The following ADARB1 variants were observed in gnomAD, a reference collection of about 807,000 sequenced individuals.
The protein encoded by ADARB1 is double-stranded RNA-specific editase 1.
Under a neutral mutation model 52.4 loss-of-function variants are expected in ADARB1, and 10 were observed. That is an observed-to-expected ratio of 0.19 (90% CI 0.12 to 0.32). The LOEUF is 0.32. Ranked by LOEUF, ADARB1 falls within the 10% of genes least tolerant of loss-of-function variation. The probability of loss-of-function intolerance (pLI) is 1.00; values close to 1 mark genes in which losing one functional copy is unlikely to be tolerated. For missense variants in ADARB1, 643 were observed against 922.3 expected (o/e 0.70, Z 3.92); for synonymous variants, 349 against 371.1 (o/e 0.94, Z 0.68).
At position 45,222,198 on chromosome 21, in the gene ADARB1, C is replaced by G; in HGVS notation, c.*1C>G. ...GGACCAGTTCTCACTCACGCCCTGA[C>G]CCGGGCAGACATGATGGGGGGTGCA... On this transcript the variant is annotated 3_prime_UTR_variant, in exon 11 of 11. Coordinates refer to ENST00000348831, the MANE Select transcript of ADARB1 (RefSeq NM_001112.4). 1 of 1,560,488 alleles carries G rather than the reference C, an allele frequency of 6.4e-7. No homozygotes were observed. Among genetic ancestry groups the G allele is most frequent in the Non-Finnish European group, 8.6e-7 (1 of 1,157,126 alleles).
In ADARB1 at chr21:45,183,520, G is replaced by A. The variant is rs542356039; in HGVS notation, c.1396+10G>A. On this transcript the variant is annotated intron_variant, in intron 7 of 10. Transcript: ENST00000348831. ...GAGCCAATCCTGGAAGGTATGAGAC[G>A]AGATTCTTCAACAAGCCAGTTTCTC... 7.5e-6 allele frequency: 12 copies of A among 1,610,722 alleles called. No individual in the cohort carries two copies. The highest frequency in any genetic ancestry group is 3.4e-5 in the Admixed American group (2 of 59,136).
chr21:45,169,775 C>G (rs1487786871), intron 2 of ADARB1, among the ~76,000 whole-genome samples: 1 of 152,238 alleles, frequency 6.6e-6, no homozygotes, highest in Admixed American at 6.5e-5. Flanking sequence ...TGAGAAGCGC[C>G]TTGCCATCAC....
Position 45,222,578 on chromosome 21 carries a change from T to G in ADARB1, c.*381T>G. On this transcript the variant is annotated 3_prime_UTR_variant, in exon 11 of 11. Coordinates refer to ENST00000348831, the MANE Select transcript of ADARB1 (RefSeq NM_001112.4). ...TGAAATTCTTGAATAAATAATTTAT[T>G]CAGAGCTAGGAATGTGGTTTATAAA... 2 of 1,024,802 alleles carry G rather than the reference T, an allele frequency of 2.0e-6. No homozygotes were observed. Among genetic ancestry groups the G allele is most frequent in the Non-Finnish European group, 2.3e-6 (2 of 855,944 alleles). The allele number at this position is 1,024,802 out of a possible 1,614,324, so 63.5% of individuals were successfully genotyped here. A position where few individuals can be genotyped will look rare whatever the true frequency, so the allele number is the denominator to read the frequency against.
intron 2 of ADARB1, among the ~76,000 whole-genome samples, chr21:45,171,138 T>C (rs984419142): frequency 5.3e-5 from 8 of 152,232 alleles, no homozygotes; most frequent in African/African-American, 7.2e-5. Context: ...CTGAGGTCTG[T>C]CGCCATCTGT....
At chr21:45,141,842 G>A (rs915584835) in intron 2 of ADARB1, among the ~76,000 whole-genome samples, 6 of 149,978 alleles carry the variant, frequency 4.0e-5, no homozygotes, top group Admixed American at 1.3e-4. Flanking sequence ...TCCCTGGGTC[G>A]CCTTAGCCAC....
In ADARB1 at chr21:45,223,577, G is replaced by C; in HGVS notation, c.*1380G>C. On this transcript the variant is annotated 3_prime_UTR_variant, in exon 11 of 11. Coordinates refer to ENST00000348831, the MANE Select transcript of ADARB1 (RefSeq NM_001112.4). ...GCTCCAAGGCTCTAGAGGGTGTTCA[G>C]GTGGGTCTCCTGGGGCCATGGGGAG... The C allele has an allele frequency of 1.0e-6, 1 of 985,734 alleles. No homozygotes were observed. Among genetic ancestry groups the C allele is most frequent in the South Asian group, 4.7e-5 (1 of 21,296 alleles). 61.1% of individuals were successfully genotyped at this position (985,734 alleles called of 1,614,324 possible).
intron 2 of ADARB1, among the ~76,000 whole-genome samples, chr21:45,168,237 G>A (rs1038588779): frequency 6.6e-6 from 1 of 151,596 alleles, no homozygotes; most frequent in African/African-American, 2.4e-5. Flanking sequence ...CTATTTGTTG[G>A]ATATATATTT....
chr21:45,099,788 C>T (rs1222768610), intron 1 of ADARB1, among the ~76,000 whole-genome samples: 1 of 152,174 alleles, frequency 6.6e-6, no homozygotes, highest in East Asian at 1.9e-4. Context: ...CTGAGGCTGG[C>T]TGGATCTGGA....
intron 5 of ADARB1, 113 bp downstream of exon 5, chr21:45,180,557 T>C: frequency 1.2e-6 from 1 of 868,324 alleles, no homozygotes; most frequent in Non-Finnish European, 1.9e-6. Flanking sequence ...GGTTACTTCT[T>C]TTCTTCTTCA....
chr21:45,097,375 A>G (rs1009643116), intron 1 of ADARB1, among the ~76,000 whole-genome samples: 1 of 152,006 alleles, frequency 6.6e-6, no homozygotes, highest in East Asian at 1.9e-4. Flanking sequence ...TAGTCAGGAG[A>G]TACCGAGGCC....
intron 2 of ADARB1, among the ~76,000 whole-genome samples, chr21:45,165,293 C>T (rs1311771683): frequency 1.3e-5 from 2 of 152,214 alleles, no homozygotes; most frequent in African/African-American, 2.4e-5. Context: ...GTCATTTGTC[C>T]TTGCTAGAAT....
chr21:45,110,701 C>T (rs1569017347), intron 1 of ADARB1, among the ~76,000 whole-genome samples: 1 of 152,078 alleles, frequency 6.6e-6, no homozygotes. Context: ...TAGTTGCTGT[C>T]AGGATTCATT....
intron 1 of ADARB1, among the ~76,000 whole-genome samples, chr21:45,116,289 G>A (rs925874457): frequency 3.3e-5 from 5 of 152,276 alleles, no homozygotes; most frequent in Admixed American, 6.5e-5. Context: ...GCCTGTGCTT[G>A]CTGCGCAGCA....
intron 2 of ADARB1, among the ~76,000 whole-genome samples, chr21:45,150,071 G>A (rs1474429092): frequency 1.3e-5 from 2 of 152,224 alleles, no homozygotes; most frequent in South Asian, 2.1e-4. Context: ...TTCACCTGAG[G>A]TCGGGAGTTC....
intron 2 of ADARB1, among the ~76,000 whole-genome samples, chr21:45,137,807 G>A (rs1408187791): frequency 1.3e-5 from 2 of 152,112 alleles, no homozygotes; most frequent in African/African-American, 2.4e-5. Context: ...ATGTAGGGTT[G>A]CAGCAAGTCT....
At chr21:45,075,488 G>A (rs147202150) in intron 1 of ADARB1, among the ~76,000 whole-genome samples, 6 of 152,236 alleles carry the variant, frequency 3.9e-5, no homozygotes, top group Admixed American at 3.9e-4. Flanking sequence ...GTGTCCGCGC[G>A]GGATGCTCTG....
Position 45,200,645 on chromosome 21 carries a change from C to T in ADARB1, c.1566-3910C>T, listed in dbSNP as rs1225337304. Among the ~76,000 whole-genome samples, 3 of 152,240 alleles carry T rather than the reference C, an allele frequency of 2.0e-5. No homozygotes were observed. Among genetic ancestry groups the T allele is most frequent in the Non-Finnish European group, 1.5e-5 (1 of 68,014 alleles). ...GAGGTAGGGGAAGCCAAGATGGGCTCTGCAGAAGGTGGCCTCCCGTGCAGC... is the reference window on the plus strand; with the variant it reads ...GAGGTAGGGGAAGCCAAGATGGGCTTTGCAGAAGGTGGCCTCCCGTGCAGC... On this transcript the variant is annotated intron_variant, in intron 8 of 10. Coordinates refer to ENST00000348831, the MANE Select transcript of ADARB1 (RefSeq NM_001112.4). This position sits in a 1 kb window ranked among gnomAD's most constrained non-coding sequence, Gnocchi z 5.0.
At chr21:45,137,477 T>C (rs2145877133) in intron 2 of ADARB1, among the ~76,000 whole-genome samples, 1 of 152,244 alleles carries the variant, frequency 6.6e-6, no homozygotes, top group Admixed American at 6.5e-5. Context: ...GGTACGTGGG[T>C]GGCCCTTCGG....
intron 8 of ADARB1, among the ~76,000 whole-genome samples, chr21:45,190,736 A>G (rs1299063387): frequency 6.6e-6 from 1 of 152,226 alleles, no homozygotes. Context: ...AGTGGCTCCC[A>G]AACTCTGGCA....
Sources: allele counts gnomAD v4.1 joint callset (sites outside exome capture counted in the v4.1 genomes callset), GRCh38; gene constraint gnomAD v4.1.1; non-coding constraint Gnocchi (gnomAD v3.1); transcripts MANE v1.5; gene names NCBI Gene and HGNC (gene_info 2026-07-23, HGNC 2026-07-21).